The following CMYA5 variants were observed in gnomAD, a reference collection of about 807,000 sequenced individuals.
The protein encoded by CMYA5 is cardiomyopathy associated 5, also known as cardiomyopathy-associated protein 5.
Under a neutral mutation model 318.9 loss-of-function variants are expected in CMYA5, and 246 were observed. That is an observed-to-expected ratio of 0.77 (90% confidence interval 0.70 to 0.86). The LOEUF is 0.86. Among genes scored for constraint, CMYA5 ranks in the 40% least tolerant of loss-of-function variants. The probability of loss-of-function intolerance (pLI) is 0.00; values close to 1 mark genes in which losing one functional copy is unlikely to be tolerated. For missense variants in CMYA5, 4,589 were observed against 4,678.2 expected (o/e 0.98, Z 0.56); for synonymous variants, 1,641 against 1,729.5 (o/e 0.95, Z 1.27).
rs1828117939 is a variant in CMYA5, at chr5:79,737,929, A to T, written c.9164A>T (p.Lys3055Ile). The change falls in exon 2 of 13, where the codon AAA becomes ATA. Residue 3055 changes from lysine to isoleucine, a missense_variant. Lys to Ile is a moderately radical substitution (Grantham distance 102, BLOSUM62 -3). This residue lies in a region of CMYA5 where 2,431 missense variants were observed against 2,495.1 expected (regional missense o/e 0.97). Coordinates refer to ENST00000446378, the MANE Select transcript of CMYA5 (RefSeq NM_153610.5). ...TIPSEEDYFEKYTLIDYNISP... is the reference protein window; with the variant it reads ...TIPSEEDYFEIYTLIDYNISP... ...CCCAGTGAAGAGGATTATTTTGAAAAATATACTTTGATTGATTATAACATC... is the reference window on the plus strand; with the variant it reads ...CCCAGTGAAGAGGATTATTTTGAAATATATACTTTGATTGATTATAACATC... 1.9e-6 allele frequency: 3 copies of T among 1,606,820 alleles called. No homozygotes were observed. The highest frequency in any genetic ancestry group is 2.5e-6 in the Non-Finnish European group (3 of 1,178,254).
rs748445039 is a variant in CMYA5, at chr5:79,729,716, G to A, written c.951G>A (p.Met317Ile). The change falls in exon 2 of 13, where the codon ATG (methionine) becomes ATA (isoleucine). Residue 317 changes from methionine (M) to isoleucine (I), a missense_variant. Met to Ile is a conservative substitution (Grantham distance 10). Around this residue, in one of 3 missense-constraint regions of CMYA5, gnomAD observed 2,132 missense variants for 2,131.3 expected, o/e 1.00. Coordinates refer to ENST00000446378, the MANE Select transcript of CMYA5 (RefSeq NM_153610.5). ...AAGGATCAGAGTCCCTAACCTTAAT[G>A]TTCAGTCATGAAGATCAAAAGAAAA... ...LSKGSESLTL[M>I]FSHEDQKKIY... 13 of 1,613,812 alleles carry A rather than the reference G, an allele frequency of 8.1e-6. No homozygotes were observed. In the East Asian group the frequency reaches 2.2e-4, roughly 28 times the overall value.
intron 11 of CMYA5, among the ~76,000 whole-genome samples, chr5:79,793,107 C>T (rs1425453277): frequency 6.6e-6 from 1 of 152,206 alleles, no homozygotes; most frequent in East Asian, 1.9e-4. Flanking sequence ...GAGAAGTCAC[C>T]TTAAAGGCAG....
At position 79,731,790 on chromosome 5, in the gene CMYA5, C is replaced by T. The variant is rs762563973; in HGVS notation, c.3025C>T (p.Pro1009Ser). ...SPDSASQVSI[P>S]PFRISETEKN... is the part of the protein sequence containing the mutation. ...AGACTCAGCATCACAAGTTTCAATC[C>T]CTCCCTTTAGAATCTCAGAAACAGA... Residue 1009 changes from proline to serine, a missense_variant, in exon 2 of 13, where the codon CCT (proline) becomes TCT (serine). By Grantham distance (74) the Pro-to-Ser change is moderately conservative. Around this residue, in one of 3 missense-constraint regions of CMYA5, gnomAD observed 2,132 missense variants for 2,131.3 expected, o/e 1.00. Coordinates refer to ENST00000446378, the MANE Select transcript of CMYA5 (RefSeq NM_153610.5). 10 of 1,612,954 alleles carry T rather than the reference C, an allele frequency of 6.2e-6. No individual in the cohort carries two copies. The Admixed American group carries it at 1.7e-4, about 27-fold the overall frequency.
intron 3 of CMYA5, among the ~76,000 whole-genome samples, 161 bp from the exon 4 acceptor site, chr5:79,745,060 AG>A (rs2151090418): frequency 2.0e-5 from 3 of 152,200 alleles, no homozygotes; most frequent in Admixed American, 2.0e-4. Context: ...ACTGTGGGAA[AG>A]GGATTGGTAG....
At chr5:79,795,250 C>T (rs2404670) in intron 12 of CMYA5, among the ~76,000 whole-genome samples, 10,586 of 152,170 alleles carry the variant, frequency 0.07, 391 homozygotes, top group East Asian at 0.11. Flanking sequence ...TCATGTCATC[C>T]TTCGAGGGCT....
chr5:79,737,532 A>G lies in CMYA5; in HGVS notation c.8767A>G (p.Lys2923Glu), dbSNP rs749712410. 1.9e-6 allele frequency: 3 copies of G among 1,613,408 alleles called. No homozygotes were observed. Among genetic ancestry groups the G allele is most frequent in the East Asian group, 2.2e-5 (1 of 44,872 alleles). The part of the protein sequence containing the change: ...MPKEPEDTYA[K>E]GEDFTVTSKP... The stretch of plus-strand genomic sequence containing the variant: ...CAAGGAACCTGAAGACACATATGCA[A>G]AAGGTGAAGACTTTACAGTGACTAG... The change falls in exon 2 of 13, where the codon AAA (lysine) becomes GAA (glutamate). Residue 2923 changes from lysine to glutamate, a missense_variant. Transcript: ENST00000446378.
At position 79,731,993 on chromosome 5, in the gene CMYA5, A is replaced by C. The variant is rs1229008166; in HGVS notation, c.3228A>C (p.Glu1076Asp). The C allele has an allele frequency of 6.2e-7, 1 of 1,613,896 alleles. No homozygotes were observed. Among genetic ancestry groups the C allele is most frequent in the African/African-American group, 1.3e-5 (1 of 75,042 alleles). The change falls in exon 2 of 13, where the codon GAA becomes GAC. Residue 1076 changes from glutamate (E) to aspartate (D), a missense_variant. By Grantham distance (45) the Glu-to-Asp change is conservative. Around this residue, in one of 3 missense-constraint regions of CMYA5, gnomAD observed 2,132 missense variants for 2,131.3 expected, o/e 1.00. Coordinates refer to ENST00000446378, the MANE Select transcript of CMYA5 (RefSeq NM_153610.5). ...CTTTCCCTTTGATGTCTCCGCTTGA[A>C]GACTTAAGTCTGCCGCCTTCAACAG... is the stretch of plus-strand genomic sequence containing the variant. ...AETFPLMSPL[E>D]DLSLPPSTDK...
At chr5:79,710,973 A>T (rs1827377709) in intron 1 of CMYA5, among the ~76,000 whole-genome samples, 2 of 152,172 alleles carry the variant, frequency 1.3e-5, no homozygotes. Context: ...TTGGGGATGC[A>T]AAGTTTTCCA....
intron 1 of CMYA5, among the ~76,000 whole-genome samples, chr5:79,706,567 T>C (rs574416248): frequency 6.6e-6 from 1 of 152,182 alleles, no homozygotes; most frequent in Non-Finnish European, 1.5e-5. Flanking sequence ...TATAGCCCTA[T>C]CTTATCCATA....
intron 4 of CMYA5, among the ~76,000 whole-genome samples, chr5:79,746,811 A>G (rs1828332668): frequency 6.6e-6 from 1 of 152,180 alleles, no homozygotes; most frequent in Non-Finnish European, 1.5e-5. Flanking sequence ...TCACAGAGAC[A>G]GAGCCAACTG....
At position 79,732,641 on chromosome 5, in the gene CMYA5, A is replaced by G. The variant is rs143128672; in HGVS notation, c.3876A>G (p.Gly1292=). ...YSPLKETSLS[G]PEALSAVKME... ...CTCTAAAGGAAACATCTTTATCTGGACCTGAGGCTTTATCAGCAGTGAAAA... is the reference window on the plus strand; with the variant it reads ...CTCTAAAGGAAACATCTTTATCTGGGCCTGAGGCTTTATCAGCAGTGAAAA... Residue 1292 remains glycine (G), a synonymous_variant, in exon 2 of 13, where the codon GGA becomes GGG. Transcript: ENST00000446378. The G allele has an allele frequency of 5.7e-4, 924 of 1,613,516 alleles. 6 individuals are homozygous for G. The African/African-American group carries it at 0.011, about 20-fold the overall frequency.
chr5:79,743,356 T>C (rs1172489367), intron 2 of CMYA5, among the ~76,000 whole-genome samples: 1 of 152,156 alleles, frequency 6.6e-6, no homozygotes, highest in African/African-American at 2.4e-5. Flanking sequence ...TTCTCTCAGT[T>C]GGTATGCTAA....
intron 5 of CMYA5, among the ~76,000 whole-genome samples, chr5:79,750,136 CAAG>C (rs1482238544): frequency 2.6e-5 from 4 of 151,940 alleles, no homozygotes; most frequent in Non-Finnish European, 4.4e-5. Flanking sequence ...CATGACATTA[CAAG>C]AAGAAGTTGA....
At position 79,733,655 on chromosome 5, in the gene CMYA5, A is replaced by G. The variant is rs1827976135; in HGVS notation, c.4890A>G (p.Gln1630=). 2 of 1,613,910 alleles carry G rather than the reference A, an allele frequency of 1.2e-6. No homozygotes were observed. Among genetic ancestry groups the G allele is most frequent in the Non-Finnish European group, 1.7e-6 (2 of 1,179,842 alleles). The change falls in exon 2 of 13, where the codon CAA becomes CAG. Residue 1630 remains glutamine (Q), a synonymous_variant. Coordinates refer to ENST00000446378, the MANE Select transcript of CMYA5 (RefSeq NM_153610.5). ...CTGAGAAGAAAGACAAGCCACACCA[A>G]CCGTTGGAATTACCAAATGCTGGGT... ...LEPEKKDKPH[Q]PLELPNAGSE...
chr5:79,768,620 C>T (rs1374517624), intron 9 of CMYA5, among the ~76,000 whole-genome samples: 8 of 152,130 alleles, frequency 5.3e-5, no homozygotes, highest in Non-Finnish European at 8.8e-5. Flanking sequence ...TGAATATTGG[C>T]CCCCACTCTC....
At chr5:79,778,809 T>TGTGTGTGTGTGTGTGTGTA (rs1460553958) in intron 9 of CMYA5, among the ~76,000 whole-genome samples, 4 of 81,046 alleles carry the variant, frequency 4.9e-5, no homozygotes, top group African/African-American at 2.9e-4. Context: ...CCCTCTCTCT[T>TGTGTGTGTGTGTGTGTGTA]TCTGTGTGTG....
chr5:79,753,302 A>G (rs392314), intron 6 of CMYA5, among the ~76,000 whole-genome samples: 6,627 of 152,256 alleles, frequency 0.044, 219 homozygotes, highest in Middle Eastern at 0.068. Flanking sequence ...CCTCCCACTC[A>G]GCTGTCAGAA....
At chr5:79,791,244 G>A (rs1437678095) in intron 11 of CMYA5, among the ~76,000 whole-genome samples, 175 bp downstream of exon 11, 2 of 152,166 alleles carry the variant, frequency 1.3e-5, no homozygotes, top group African/African-American at 4.8e-5. Context: ...TCCCTACCGA[G>A]CGATAGTTCA....
At chr5:79,725,846 G>A (rs1320140215) in intron 1 of CMYA5, among the ~76,000 whole-genome samples, 7 of 152,216 alleles carry the variant, frequency 4.6e-5, no homozygotes. Flanking sequence ...AGAGGTTGCA[G>A]TGAGCCAAGA....
Sources: allele counts gnomAD v4.1 joint callset (sites outside exome capture counted in the v4.1 genomes callset), GRCh38; gene constraint gnomAD v4.1.1; regional missense constraint gnomAD v4.1.1; transcripts MANE v1.5; gene names NCBI Gene and HGNC (gene_info 2026-07-23, HGNC 2026-07-21).